FGF12: variants seen among roughly 807,000 people sequenced by gnomAD.
FGF12 encodes fibroblast growth factor 12B.
A neutral mutation model predicts 23.6 loss-of-function variants in FGF12; 14 were observed. That is an observed-to-expected ratio of 0.59 (90% confidence interval 0.39 to 0.93). FGF12 has a LOEUF of 0.93. Ranked by LOEUF, FGF12 falls within the 40% of genes least tolerant of loss-of-function variation. FGF12 has a pLI of 0.00. For synonymous variants in FGF12, 62 were observed against 77.3 expected, an observed-to-expected ratio of 0.80 and a Z score of 1.04; for missense variants, 175 against 217.8, an observed-to-expected ratio of 0.80 and a Z score of 1.24.
intron 2 of FGF12, among the ~76,000 whole-genome samples, chr3:192,441,788 G>A (rs1387810263): frequency 6.6e-6 from 1 of 152,154 alleles, no homozygotes; most frequent in East Asian, 1.9e-4. Flanking sequence ...GATACGGAAA[G>A]GTACCAATTA....
At chr3:192,663,736 G>T (rs1335970762) in intron 2 of FGF12, among the ~76,000 whole-genome samples, 1 of 151,688 alleles carries the variant, frequency 6.6e-6, no homozygotes, top group East Asian at 1.9e-4. Context: ...CTCTCAGAAC[G>T]GTTTCCTTCC....
At chr3:192,569,992 C>T (rs148827151) in intron 2 of FGF12, among the ~76,000 whole-genome samples, 54 of 152,228 alleles carry the variant, frequency 3.5e-4, no homozygotes, top group African/African-American at 1.3e-3. Context: ...TGAGCCAGTG[C>T]CGTAAAAGTG....
intron 2 of FGF12, among the ~76,000 whole-genome samples, chr3:192,695,405 C>T (rs1718084677): frequency 6.6e-6 from 1 of 152,050 alleles, no homozygotes; most frequent in Admixed American, 6.6e-5. Context: ...AGAAATGTCC[C>T]TTTGTGTTCC....
chr3:192,378,079 T>TTTC (rs1719635355), intron 2 of FGF12, among the ~76,000 whole-genome samples: 2 of 119,138 alleles, frequency 1.7e-5, no homozygotes, highest in African/African-American at 3.6e-5. Flanking sequence ...TCTTTCTTTC[T>TTTC]TTCTTTCTTT....
chr3:192,678,758 A>G (rs1717415355), intron 2 of FGF12, among the ~76,000 whole-genome samples: 1 of 152,196 alleles, frequency 6.6e-6, no homozygotes, highest in South Asian at 2.1e-4. Flanking sequence ...GCATGGCGGT[A>G]AAGAATCCAG....
chr3:192,453,001 T>C (rs915148315), intron 2 of FGF12, among the ~76,000 whole-genome samples: 1 of 152,238 alleles, frequency 6.6e-6, no homozygotes, highest in Non-Finnish European at 1.5e-5. Flanking sequence ...TCCAGACAAT[T>C]TTCAGTTACT....
chr3:192,669,701 TTTTTCCAA>T (rs1717038919), intron 2 of FGF12, among the ~76,000 whole-genome samples: 1 of 151,920 alleles, frequency 6.6e-6, no homozygotes, highest in Non-Finnish European at 1.5e-5. Flanking sequence ...GTCACAGTTA[TTTTTCCAA>T]TAATATTAAA....
At chr3:192,163,855 T>TG (rs1287156472) in intron 5 of FGF12, among the ~76,000 whole-genome samples, 1 of 111,308 alleles carries the variant, frequency 9.0e-6, no homozygotes. Flanking sequence ...GTGTGTGTGT[T>TG]AGTACTGTCT....
At chr3:192,427,178 C>T (rs983692022) in intron 2 of FGF12, among the ~76,000 whole-genome samples, 4 of 151,698 alleles carry the variant, frequency 2.6e-5, no homozygotes, top group South Asian at 4.2e-4. Context: ...GTCAGGAGTT[C>T]GAGACCAGCC....
chr3:192,479,774 C>T (rs527264860), intron 2 of FGF12, among the ~76,000 whole-genome samples: 4 of 152,246 alleles, frequency 2.6e-5, no homozygotes, highest in South Asian at 2.1e-4. Flanking sequence ...AGTTGCATTT[C>T]CCATCCCCTA....
At chr3:192,210,972 T>C (rs956420023) in intron 4 of FGF12, among the ~76,000 whole-genome samples, 1 of 152,124 alleles carries the variant, frequency 6.6e-6, no homozygotes, top group African/African-American at 2.4e-5. Flanking sequence ...CTGTAAGCCA[T>C]TGTGAAAACA....
At chr3:192,327,578 A>G (rs1447122857) in intron 4 of FGF12, among the ~76,000 whole-genome samples, 1 of 151,770 alleles carries the variant, frequency 6.6e-6, no homozygotes, top group Non-Finnish European at 1.5e-5. Context: ...AAACCTTTTA[A>G]AAACATTATA....
At chr3:192,309,128 T>A (rs1050818573) in intron 4 of FGF12, among the ~76,000 whole-genome samples, 14 of 152,088 alleles carry the variant, frequency 9.2e-5, no homozygotes, top group African/African-American at 3.4e-4. Flanking sequence ...ACCATAAACA[T>A]GCTAAATTGA....
chr3:192,445,688 G>A (rs1395209745), intron 2 of FGF12, among the ~76,000 whole-genome samples: 4 of 152,086 alleles, frequency 2.6e-5, no homozygotes, highest in East Asian at 1.9e-4. Context: ...ATGCAGCAGC[G>A]TTTTGCACGT....
Position 192,432,034 on chromosome 3 carries a change from G to A in FGF12, c.14-71496C>T, listed in dbSNP as rs75878489. 7.8e-3 allele frequency among the ~76,000 whole-genome samples: 1,186 copies of A among 152,174 alleles called. 20 individuals are homozygous for A. Among genetic ancestry groups the A allele is most frequent in the African/African-American group, 0.027 (1,131 of 41,516 alleles). On this transcript the variant is annotated intron_variant, in intron 2 of 5. Coordinates refer to ENST00000445105, the MANE Select transcript of FGF12 (RefSeq NM_004113.6). ...CAGGCATTCCATCACCGTTCACCTC[G>A]GCAGCACCACATAGATCAGGTCTGC...
intron 2 of FGF12, among the ~76,000 whole-genome samples, chr3:192,614,059 T>G (rs372011562): frequency 2.6e-5 from 4 of 152,066 alleles, no homozygotes; most frequent in African/African-American, 9.6e-5. Flanking sequence ...CTGAAGACAT[T>G]GTTATTCATC....
intron 2 of FGF12, among the ~76,000 whole-genome samples, chr3:192,598,195 A>G (rs1713946708): frequency 6.6e-6 from 1 of 152,222 alleles, no homozygotes; most frequent in African/African-American, 2.4e-5. Flanking sequence ...ACAGAACTCT[A>G]CACAACTACA....
chr3:192,439,064 C>T (rs1430023170), intron 2 of FGF12, among the ~76,000 whole-genome samples: 3 of 152,192 alleles, frequency 2.0e-5, no homozygotes, highest in African/African-American at 7.2e-5. Context: ...GTATCACCAA[C>T]ATGAGATCGA....
chr3:192,350,705 G>A (rs1158638326), intron 3 of FGF12, among the ~76,000 whole-genome samples: 2 of 152,130 alleles, frequency 1.3e-5, no homozygotes, highest in Non-Finnish European at 2.9e-5. Context: ...AAAGAAAGAG[G>A]AGAGATAATA....
Sources: allele counts gnomAD v4.1 joint callset (sites outside exome capture counted in the v4.1 genomes callset), GRCh38; gene constraint gnomAD v4.1.1; transcripts MANE v1.5; gene names NCBI Gene and HGNC (gene_info 2026-07-23, HGNC 2026-07-21).